TRH: variants seen among roughly 807,000 people sequenced by gnomAD.
TRH encodes the protein TSH-releasing factor.
Under a neutral mutation model 5.2 loss-of-function variants are expected in TRH, and 5 were observed. That is an observed-to-expected ratio of 0.95 (90% CI 0.50 to 2.00). The LOEUF (loss-of-function observed/expected upper bound fraction) is 2.00. TRH is among the 30% of genes most tolerant of loss of function. TRH has a pLI of 0.01. For synonymous variants in TRH, 131 were observed against 128.6 expected, an observed-to-expected ratio of 1.02 and a Z score of -0.13; for missense variants, 318 against 312.8, an observed-to-expected ratio of 1.02 and a Z score of -0.13.
At position 129,977,012 on chromosome 3, in the gene TRH, G is replaced by A. The variant is rs188005985; in HGVS notation, c.525G>A (p.Glu175=). Reference sequence around the variant, plus strand: ...GGGAAGAAGAGGAGGAGGAGGAAGAGAGAGAGGAAGACCTGATGCCTGAAA... The same window carrying A: ...GGGAAGAAGAGGAGGAGGAGGAAGAAAGAGAGGAAGACCTGATGCCTGAAA... ...RSWEEEEEEE[E]REEDLMPEKR... The change falls in exon 3 of 3, where the codon GAG becomes GAA. Residue 175 remains glutamate (E), a synonymous_variant. Coordinates refer to ENST00000302649, the MANE Select transcript of TRH (RefSeq NM_007117.5). 264 of 1,613,804 alleles carry A rather than the reference G, an allele frequency of 1.6e-4. 1 individual carries two copies. The East Asian group carries it at 5.6e-3, about 34-fold the overall frequency.
At chr3:129,976,428 G>C (rs1159965753) in intron 2 of TRH, among the ~76,000 whole-genome samples, 1 of 152,230 alleles carries the variant, frequency 6.6e-6, no homozygotes, top group African/African-American at 2.4e-5. Flanking sequence ...ATTTTACACA[G>C]AAGAAAACTG....
intron 2 of TRH, 104 bp downstream of exon 2, chr3:129,976,131 C>G: frequency 7.3e-7 from 1 of 1,374,162 alleles, no homozygotes; most frequent in Non-Finnish European, 9.9e-7. Context: ...AGCCTTCTGC[C>G]TTTCGGAAGC....
In TRH at chr3:129,977,276, C is replaced by T; in HGVS notation, c.*60C>T. ...AGGATGTCTTGAGCCCTGTGTGCCC[C>T]ACCATTCATGACCTCTGTATTCTCT... On this transcript the variant is annotated 3_prime_UTR_variant, in exon 3 of 3. Transcript: ENST00000302649. The T allele has an allele frequency of 6.7e-7, 1 of 1,487,972 alleles. No individual in the cohort carries two copies. The highest frequency in any genetic ancestry group is 2.3e-5 in the East Asian group (1 of 42,682). The allele number at this position is 1,487,972 out of a possible 1,614,324, so 92.2% of individuals were successfully genotyped here. A position where few individuals can be genotyped will look rare whatever the true frequency, so the allele number is the denominator to read the frequency against.
At chr3:129,976,558 T>C (rs550964427) in intron 2 of TRH, 141 bp from the exon 3 acceptor site, 15 of 956,772 alleles carry the variant, frequency 1.6e-5, no homozygotes, top group Middle Eastern at 3.4e-4. Context: ...CTGTGAGGCC[T>C]GAGGGGCAGG....
At chr3:129,974,971 GGTCCTCCCCGA>G (rs2062533966) in intron 1 of TRH, 148 bp downstream of exon 1, 1 of 152,164 alleles carries the variant, frequency 6.6e-6, no homozygotes, top group African/African-American at 2.4e-5. Context: ...CGCACCCCCG[GGTCCTCCCCGA>G]GCGCAGGCCG....
At chr3:129,975,436 G>T (rs2062537115) in intron 1 of TRH, among the ~76,000 whole-genome samples, 2 of 152,136 alleles carry the variant, frequency 1.3e-5, no homozygotes, top group African/African-American at 2.4e-5. Context: ...TCGCGGCTGT[G>T]CCTGGCGCTG....
chr3:129,977,008 AAG>A lies in TRH; in HGVS notation c.530_531del (p.Glu177GlyfsTer6). ...AGCTGGGAAGAAGAGGAGGAGGAGG[AAG>A]AGAGAGAGGAAGACCTGATGCCTGA... On this transcript the variant is annotated frameshift_variant, in exon 3 of 3. Coordinates refer to ENST00000302649, the MANE Select transcript of TRH (RefSeq NM_007117.5). LOFTEE classifies it low-confidence loss of function (END_TRUNC). 6.2e-7 allele frequency: 1 copy of A among 1,613,670 alleles called. No homozygotes were observed. Among genetic ancestry groups the A allele is most frequent in the South Asian group, 1.1e-5 (1 of 91,038 alleles).
rs762871465 is a variant in TRH, at chr3:129,976,002, G to A, written c.186G>A (p.Leu62=). Residue 62 remains leucine, a synonymous_variant, in exon 2 of 3, where the codon CTG becomes CTA. Coordinates refer to ENST00000302649, the MANE Select transcript of TRH (RefSeq NM_007117.5). ...TCCTCCGGGAAAACATCCAGCGGCT[G>A]CAAGGGGACCAGGGTGAGCACTCCG... ...LLFLRENIQR[L]QGDQGEHSAS... 17 of 1,614,008 alleles carry A rather than the reference G, an allele frequency of 1.1e-5. No individual in the cohort carries two copies. The Admixed American group carries it at 2.8e-4, about 27-fold the overall frequency.
rs1402778317 is a variant in TRH, at chr3:129,977,597, G to A, written c.*381G>A. 5.9e-6 allele frequency: 1 copy of A among 169,314 alleles called. No homozygotes were observed. Among genetic ancestry groups the A allele is most frequent in the Non-Finnish European group, 1.3e-5 (1 of 79,338 alleles). 10.5% of individuals were successfully genotyped at this position (169,314 alleles called of 1,614,324 possible). Reference sequence around the variant, plus strand: ...CCTGGGAGGGCAGCCAGTGAGGGTGGGGTGGGACTGAAGCGTTGTGTGCAA... The same window carrying A: ...CCTGGGAGGGCAGCCAGTGAGGGTGAGGTGGGACTGAAGCGTTGTGTGCAA... On this transcript the variant is annotated 3_prime_UTR_variant, in exon 3 of 3. Transcript: ENST00000302649.
rs572079108 is a variant in TRH, at chr3:129,977,292, T to C, written c.*76T>C. 2.1e-5 allele frequency: 30 copies of C among 1,455,814 alleles called. No homozygotes were observed. In the South Asian group the frequency reaches 4.3e-4, roughly 21 times the overall value. The allele number at this position is 1,455,814 out of a possible 1,614,324, so 90.2% of individuals were successfully genotyped here. A position where few individuals can be genotyped will look rare whatever the true frequency, so the allele number is the denominator to read the frequency against. ...TGTGTGCCCCACCATTCATGACCTC[T>C]GTATTCTCTAGTTAGATCCCTGACC... On this transcript the variant is annotated 3_prime_UTR_variant, in exon 3 of 3. Transcript: ENST00000302649.
chr3:129,977,440 T>C lies in TRH; in HGVS notation c.*224T>C, dbSNP rs2062552580. 6 of 447,152 alleles carry C rather than the reference T, an allele frequency of 1.3e-5. 1 individual carries two copies. In the South Asian group the frequency reaches 4.8e-4, roughly 36 times the overall value. 27.7% of individuals were successfully genotyped at this position (447,152 alleles called of 1,614,324 possible). A position where few individuals can be genotyped will look rare whatever the true frequency, so the allele number is the denominator to read the frequency against. On this transcript the variant is annotated 3_prime_UTR_variant, in exon 3 of 3. Transcript: ENST00000302649. ...AGTTTAAACCCCACTTTCCTCCACT[T>C]AGCACCATAGGCAAGGGGGCAGATC... is the stretch of plus-strand genomic sequence containing the variant.
intron 2 of TRH, 107 bp from the exon 3 acceptor site, chr3:129,976,592 G>C: frequency 2.4e-6 from 3 of 1,273,768 alleles, no homozygotes; most frequent in Non-Finnish European, 2.2e-6. Flanking sequence ...CTCTGAGTGG[G>C]AGCTGCAGGA....
chr3:129,975,948 C>T lies in TRH; in HGVS notation c.132C>T (p.Asp44=), dbSNP rs749913444. 2 of 1,614,028 alleles carry T rather than the reference C, an allele frequency of 1.2e-6. No homozygotes were observed. The highest frequency in any genetic ancestry group is 4.5e-5 in the East Asian group (2 of 44,886). ...VTAAEHPGLD[D]FLRQVERLLF... is the part of the protein sequence containing the mutation. Reference sequence around the variant, plus strand: ...CCGCGGAGCATCCGGGCCTGGATGACTTCCTGCGCCAGGTGGAGCGCCTCC... The same window carrying T: ...CCGCGGAGCATCCGGGCCTGGATGATTTCCTGCGCCAGGTGGAGCGCCTCC... The change falls in exon 2 of 3, where the codon GAC becomes GAT. Residue 44 remains aspartate, a synonymous_variant. Transcript: ENST00000302649.
intron 2 of TRH, among the ~76,000 whole-genome samples, chr3:129,976,373 T>C (rs1371917192): frequency 6.6e-6 from 1 of 152,250 alleles, no homozygotes; most frequent in Non-Finnish European, 1.5e-5. Flanking sequence ...CTTATCACAC[T>C]GTTTGATCTT....
intron 2 of TRH, 40 bp downstream of exon 2, chr3:129,976,067 A>G (rs1258403933): frequency 1.9e-6 from 3 of 1,595,906 alleles, no homozygotes; most frequent in Admixed American, 3.4e-5. Flanking sequence ...GGGCTAGGCT[A>G]TTGGGAGAGC....
Position 129,975,822 on chromosome 3 carries a change from C to A in TRH, c.6C>A (p.Pro2=). Residue 2 remains proline (P), a synonymous_variant, in exon 2 of 3, where the codon CCC becomes CCA. Transcript: ENST00000302649. ...CCCCTAACCCAGACGCCGCGATGCC[C>A]GGCCCTTGGTTGCTGCTCGCTCTGG... M[P]GPWLLLALAL... 6 of 1,607,422 alleles carry A rather than the reference C, an allele frequency of 3.7e-6. No homozygotes were observed. The highest frequency in any genetic ancestry group is 5.1e-6 in the Non-Finnish European group (6 of 1,178,178).
rs769402789 is a variant in TRH, at chr3:129,976,843, G to A, written c.356G>A (p.Arg119Gln). The A allele has an allele frequency of 3.7e-6, 6 of 1,613,842 alleles. 1 individual carries two copies. Among genetic ancestry groups the A allele is most frequent in the South Asian group, 3.3e-5 (3 of 91,068 alleles). Residue 119 changes from arginine to glutamine, a missense_variant, in exon 3 of 3, where the codon CGA becomes CAA. Arg to Gln is a conservative substitution (Grantham distance 43). Transcript: ENST00000302649. ...GPHKRQHPGR[R>Q]EDEASWSVDV... Reference sequence around the variant, plus strand: ...CACAAACGGCAGCACCCTGGCCGACGAGAAGATGAGGCTTCATGGTCAGTC... The same window carrying A: ...CACAAACGGCAGCACCCTGGCCGACAAGAAGATGAGGCTTCATGGTCAGTC...
At position 129,975,668 on chromosome 3, in the gene TRH, G is replaced by T. The variant is rs2062538285; in HGVS notation, c.-8-141G>T. 5 of 937,372 alleles carry T rather than the reference G, an allele frequency of 5.3e-6. No individual in the cohort carries two copies. The Admixed American group carries it at 1.4e-4, about 27-fold the overall frequency. 58.1% of individuals were successfully genotyped at this position (937,372 alleles called of 1,614,324 possible). A position where few individuals can be genotyped will look rare whatever the true frequency, so the allele number is the denominator to read the frequency against. ...CCGGGGCGAACCCGCCGCTGCTCCCGCCCCTGCACGAGGGGCAGTGGTCCT... is the reference window on the plus strand; with the variant it reads ...CCGGGGCGAACCCGCCGCTGCTCCCTCCCCTGCACGAGGGGCAGTGGTCCT... On this transcript the variant is annotated intron_variant, in intron 1 of 2. Coordinates refer to ENST00000302649, the MANE Select transcript of TRH (RefSeq NM_007117.5).
In TRH at chr3:129,976,755, G is replaced by A. The variant is rs1410447242; in HGVS notation, c.268G>A (p.Glu90Lys). The change falls in exon 3 of 3, where the codon GAG becomes AAG. Residue 90 changes from glutamate (E) to lysine (K), a missense_variant. Physicochemically the swap from Glu to Lys is moderately conservative, Grantham distance 56. Transcript: ENST00000302649. ...CAAACGTCAGCATCCAGGCAAAAGA[G>A]AGGAGGAGGAGGAAGAGGGAGTTGA... ...LSKRQHPGKREEEEEEGVEEE... is the reference protein window; with the variant it reads ...LSKRQHPGKRKEEEEEGVEEE... The A allele has an allele frequency of 6.2e-7, 1 of 1,613,572 alleles. No homozygotes were observed. The highest frequency in any genetic ancestry group is 1.1e-5 in the South Asian group (1 of 91,030).
Sources: gnomAD v4.1 joint callset for allele counts (sites outside exome capture counted in the v4.1 genomes callset) on GRCh38, gnomAD v4.1.1 for gene constraint, MANE v1.5 for transcripts, NCBI Gene and HGNC (gene_info 2026-07-23, HGNC 2026-07-21) for gene names.